DPP6: variants seen among roughly 807,000 people sequenced by gnomAD.
DPP6 encodes A-type potassium channel modulatory protein DPP6.
A neutral mutation model predicts 122.6 loss-of-function variants in DPP6; 69 were observed. The ratio of observed to expected loss-of-function variants is 0.56; its 90% CI spans 0.46 to 0.69. DPP6 has a LOEUF of 0.69. DPP6 is among the 30% of genes least tolerant of loss of function. The pLI, the probability that DPP6 is intolerant of heterozygous loss-of-function variation, is 0.00. For synonymous variants in DPP6, 418 were observed against 433.1 expected (o/e 0.97, Z 0.43); for missense variants, 928 against 1,116.9 (o/e 0.83, Z 2.41).
chr7:153,999,455 A>T (rs1254149963), intron 1 of DPP6, among the ~76,000 whole-genome samples: 6 of 152,176 alleles, frequency 3.9e-5, no homozygotes, highest in African/African-American at 1.4e-4. Flanking sequence ...GTTTGACCTT[A>T]TGGGCACTGA....
At position 154,206,625 on chromosome 7, in the gene DPP6, A is replaced by G. The variant is rs149447677; in HGVS notation, c.243+153562A>G. On this transcript the variant is annotated intron_variant, in intron 1 of 25. Transcript: ENST00000377770. Reference sequence around the variant, plus strand: ...TCCATCCAGATAATTGTAAGATTGTATAAAGTTGACCGCTTTCTCAATGCA... The same window carrying G: ...TCCATCCAGATAATTGTAAGATTGTGTAAAGTTGACCGCTTTCTCAATGCA... Among the ~76,000 whole-genome samples the G allele has an allele frequency of 3.4e-3, 518 of 152,306 alleles. 4 individuals are homozygous for G. Among genetic ancestry groups the G allele is most frequent in the Non-Finnish European group, 4.6e-3 (311 of 68,034 alleles).
At chr7:154,425,405 A>T (rs1469654438) in intron 1 of DPP6, among the ~76,000 whole-genome samples, 2 of 152,150 alleles carry the variant, frequency 1.3e-5, no homozygotes, top group Non-Finnish European at 2.9e-5. Flanking sequence ...TGCAGCCCTA[A>T]CATTTCTCCC....
At chr7:153,857,368 G>A in the DPP6 span, among the ~76,000 whole-genome samples, 4 of 65,120 alleles carry the variant, frequency 6.1e-5, no homozygotes, top group Non-Finnish European at 1.0e-4. Context: ...CTCAGCATGT[G>A]TATATAAAAT....
chr7:153,886,112 TACACACACACACAC>T (rs60245538), upstream of DPP6, among the ~76,000 whole-genome samples: 72 of 140,414 alleles, frequency 5.1e-4, no homozygotes, highest in African/African-American at 1.4e-3. Flanking sequence ...GGCACGCCCT[TACACACACACACAC>T]ACACACACAC....
At chr7:154,104,405 G>T (rs1805990826) in intron 1 of DPP6, among the ~76,000 whole-genome samples, 1 of 152,206 alleles carries the variant, frequency 6.6e-6, no homozygotes, top group African/African-American at 2.4e-5. Context: ...AGGACTAATG[G>T]GCTCTTCCTT....
intron 8 of DPP6, among the ~76,000 whole-genome samples, chr7:154,749,732 G>A (rs1843267140): frequency 7.3e-5 from 3 of 41,290 alleles, no homozygotes; most frequent in African/African-American, 2.7e-4. Flanking sequence ...GAGGGTGAGA[G>A]AGCATAGGAC....
At chr7:153,949,623 C>T (rs80355015) in intron 1 of DPP6, among the ~76,000 whole-genome samples, 287 of 152,304 alleles carry the variant, frequency 1.9e-3, no homozygotes, top group African/African-American at 6.3e-3. Context: ...TTCTCACACA[C>T]CTAAACACGA....
At chr7:154,647,574 G>T (rs1033912870) in intron 6 of DPP6, among the ~76,000 whole-genome samples, 6 of 152,164 alleles carry the variant, frequency 3.9e-5, no homozygotes, top group African/African-American at 7.2e-5. Context: ...GGTTGTGATT[G>T]TTCCTGAGCC....
intron 7 of DPP6, among the ~76,000 whole-genome samples, chr7:154,693,394 T>G (rs1419432232): frequency 6.6e-6 from 1 of 152,194 alleles, no homozygotes; most frequent in East Asian, 1.9e-4. Context: ...AGTTTGAAAT[T>G]TTCCTTTATT....
intron 7 of DPP6, among the ~76,000 whole-genome samples, chr7:154,713,781 G>A (rs571124569): frequency 4.4e-4 from 67 of 152,324 alleles, no homozygotes; most frequent in African/African-American, 1.5e-3. Flanking sequence ...TCTCTGACAT[G>A]CCCTGGGGAC....
intron 1 of DPP6, among the ~76,000 whole-genome samples, chr7:154,281,793 C>T (rs1011097254): frequency 6.6e-6 from 1 of 152,198 alleles, no homozygotes; most frequent in Non-Finnish European, 1.5e-5. Context: ...CCAGTAGCCT[C>T]TTCTTTATGG....
intron 5 of DPP6, among the ~76,000 whole-genome samples, chr7:154,575,325 T>TG (rs1831514296): frequency 8.5e-6 from 1 of 117,480 alleles, no homozygotes; most frequent in African/African-American, 3.4e-5. Context: ...GGTGTGTGTA[T>TG]GTGTGTGTGG....
chr7:154,474,280 G>T (rs181148101), intron 2 of DPP6, among the ~76,000 whole-genome samples: 1 of 152,174 alleles, frequency 6.6e-6, no homozygotes, highest in African/African-American at 2.4e-5. Context: ...ACCCACTGAC[G>T]CCATTAACTA....
At chr7:154,340,116 A>C (rs191177271) in intron 1 of DPP6, among the ~76,000 whole-genome samples, 39 of 152,310 alleles carry the variant, frequency 2.6e-4, no homozygotes, top group Admixed American at 1.8e-3. Context: ...TAGAAACACA[A>C]CATCAAAATT....
chr7:154,452,697 C>A (rs1820491315), intron 2 of DPP6, among the ~76,000 whole-genome samples: 1 of 152,124 alleles, frequency 6.6e-6, no homozygotes, highest in Admixed American at 6.5e-5. Flanking sequence ...CCCTTGCCAC[C>A]CCTGTGAGAA....
rs183049512 is a variant in DPP6, at chr7:154,201,490, G to A, written c.243+148427G>A. 9.9e-5 allele frequency among the ~76,000 whole-genome samples: 15 copies of A among 152,280 alleles called. No homozygotes were observed. In the East Asian group the frequency reaches 2.9e-3, roughly 29 times the overall value. On this transcript the variant is annotated intron_variant, in intron 1 of 25. Transcript: ENST00000377770. ...TGAAGATTGTTAAAAGTGGGTTAAG[G>A]CTTATGCCTACCTAAAACATTCATT...
Position 153,896,127 on chromosome 7 carries a change from C to T in DPP6, c.51+8393C>T, listed in dbSNP as rs1178506962. Among the ~76,000 whole-genome samples the T allele has an allele frequency of 4.6e-5, 7 of 152,130 alleles. No individual in the cohort carries two copies. In the East Asian group the frequency reaches 1.2e-3, roughly 25 times the overall value. ...AAAGTGGGATTTTCTTCTCTTTTTC[C>T]CTCTCCTACTGGACTAATGCCCCTA... On this transcript the variant is annotated intron_variant, in intron 1 of 25. Transcript: ENST00000404039.
At chr7:154,298,454 G>A (rs1416361104) in intron 1 of DPP6, among the ~76,000 whole-genome samples, 3 of 152,080 alleles carry the variant, frequency 2.0e-5, no homozygotes, top group Non-Finnish European at 4.4e-5. Context: ...ACCCAGAAGC[G>A]ATGTGTGCCT....
At chr7:154,324,608 A>G (rs1237375859) in intron 1 of DPP6, among the ~76,000 whole-genome samples, 1 of 151,978 alleles carries the variant, frequency 6.6e-6, no homozygotes, top group Non-Finnish European at 1.5e-5. Context: ...AGCAGGCTCC[A>G]TGTCTGGGTT....
Sources: allele counts gnomAD v4.1 joint callset (sites outside exome capture counted in the v4.1 genomes callset), GRCh38; gene constraint gnomAD v4.1.1; transcripts MANE v1.5; gene names NCBI Gene and HGNC (gene_info 2026-07-23, HGNC 2026-07-21).